The following PHTF2 variants were observed in gnomAD, a reference collection of about 807,000 sequenced individuals.
PHTF2 encodes the protein putative homeodomain transcription factor 2.
In PHTF2, 60 loss-of-function variants were observed where a neutral mutation model predicts 101.2. That is an observed-to-expected ratio of 0.59 (90% CI 0.48 to 0.73). PHTF2 has a LOEUF of 0.73. Among genes scored for constraint, PHTF2 ranks in the 30% least tolerant of loss-of-function variants. The probability of loss-of-function intolerance (pLI) is 0.00; values close to 1 mark genes in which losing one functional copy is unlikely to be tolerated. For synonymous variants in PHTF2, 311 were observed against 307.3 expected, an observed-to-expected ratio of 1.01 and a Z score of -0.13; for missense variants, 747 against 908.7, an observed-to-expected ratio of 0.82 and a Z score of 2.29.
chr7:77,896,872 G>A (rs1464716266), intron 5 of PHTF2, among the ~76,000 whole-genome samples: 1 of 152,134 alleles, frequency 6.6e-6, no homozygotes, highest in South Asian at 2.1e-4. Flanking sequence ...GCAGTGAGCA[G>A]CTACTAGAGA....
At chr7:77,862,085 A>C (rs2150676656) in intron 3 of PHTF2, among the ~76,000 whole-genome samples, 1 of 151,892 alleles carries the variant, frequency 6.6e-6, no homozygotes, top group East Asian at 1.9e-4. Flanking sequence ...GGAAAAATAG[A>C]AAAAAATACC....
intron 2 of PHTF2, among the ~76,000 whole-genome samples, chr7:77,844,348 T>A (rs1212829909): frequency 6.6e-6 from 1 of 152,148 alleles, no homozygotes; most frequent in Non-Finnish European, 1.5e-5. Context: ...GTTTTTATAT[T>A]TATGATTTGA....
chr7:77,844,710 T>C (rs1412630084), intron 2 of PHTF2, among the ~76,000 whole-genome samples: 1 of 152,096 alleles, frequency 6.6e-6, no homozygotes, highest in Non-Finnish European at 1.5e-5. Flanking sequence ...TTTTTAGTAG[T>C]GATGAGGTTT....
chr7:77,942,940 A>G (rs545522737), intron 16 of PHTF2, among the ~76,000 whole-genome samples, 154 bp downstream of exon 15: 46 of 152,354 alleles, frequency 3.0e-4, no homozygotes, highest in Non-Finnish European at 3.4e-4. Context: ...AAATAAGTGC[A>G]TCTTATCTCT....
chr7:77,924,696 T>G (rs1255656003), intron 11 of PHTF2, among the ~76,000 whole-genome samples: 1 of 152,216 alleles, frequency 6.6e-6, no homozygotes, highest in Non-Finnish European at 1.5e-5. Context: ...TGTTGTAAGC[T>G]TCCCAGATGG....
intron 2 of PHTF2, among the ~76,000 whole-genome samples, chr7:77,854,282 T>C (rs573966728): frequency 1.8e-4 from 28 of 152,274 alleles, no homozygotes; most frequent in Non-Finnish European, 2.9e-4. Flanking sequence ...CTTCCTTTCC[T>C]TTAGTTTTCA....
chr7:77,802,905 C>A (rs1455517559), intron 1 of PHTF2, among the ~76,000 whole-genome samples: 4 of 152,144 alleles, frequency 2.6e-5, no homozygotes, highest in African/African-American at 9.7e-5. Flanking sequence ...CAGATTAATA[C>A]CAAACCATAA....
intron 3 of PHTF2, among the ~76,000 whole-genome samples, chr7:77,861,420 T>C (rs1231535299): frequency 6.6e-6 from 1 of 152,214 alleles, no homozygotes; most frequent in Non-Finnish European, 1.5e-5. Flanking sequence ...GGGTATTTTT[T>C]TTTAAATGAT....
At position 77,920,470 on chromosome 7, in the gene PHTF2, G is replaced by A. The variant is rs748306144; in HGVS notation, c.963+5G>A. 36 of 1,607,854 alleles carry A rather than the reference G, an allele frequency of 2.2e-5. No homozygotes were observed. Among genetic ancestry groups the A allele is most frequent in the South Asian group, 1.8e-4 (16 of 90,464 alleles). ...CTGAGGAATGGTCCTAGCAAAGTAC[G>A]TGTGATTTTTAAAATAGTTTGCCTA... On this transcript the variant is annotated splice_donor_5th_base_variant and intron_variant, in intron 10 of 19. Transcript: ENST00000416283.
intron 1 of PHTF2, among the ~76,000 whole-genome samples, chr7:77,815,640 T>C (rs1213478130): frequency 6.6e-6 from 1 of 152,260 alleles, no homozygotes; most frequent in Non-Finnish European, 1.5e-5. Flanking sequence ...TAATGATACA[T>C]GTTTGACTTC....
chr7:77,906,801 G>C (rs761079650), intron 7 of PHTF2, among the ~76,000 whole-genome samples: 3 of 151,998 alleles, frequency 2.0e-5, no homozygotes, highest in Non-Finnish European at 4.4e-5. Flanking sequence ...CCAGCCACTC[G>C]GGAGCCTGAG....
chr7:77,857,875 A>G (rs984957136), intron 3 of PHTF2, among the ~76,000 whole-genome samples: 5 of 152,344 alleles, frequency 3.3e-5, no homozygotes, highest in Admixed American at 1.3e-4. Flanking sequence ...CTGTCAACCC[A>G]GAGTTATTGC....
chr7:77,936,195 C>A (rs1320048456), intron 12 of PHTF2, among the ~76,000 whole-genome samples: 1 of 151,998 alleles, frequency 6.6e-6, no homozygotes, highest in Non-Finnish European at 1.5e-5. Flanking sequence ...CAACTTTACT[C>A]CCCCTAGAGG....
At chr7:77,952,205 A>G (rs938998166) in intron 18 of PHTF2, among the ~76,000 whole-genome samples, 2 of 152,140 alleles carry the variant, frequency 1.3e-5, no homozygotes, top group Admixed American at 6.5e-5. Flanking sequence ...CTTTGGGGGT[A>G]ATTTAATAAA....
chr7:77,886,566 G>T (rs1356445713), intron 3 of PHTF2, among the ~76,000 whole-genome samples: 1 of 152,014 alleles, frequency 6.6e-6, no homozygotes, highest in East Asian at 1.9e-4. Context: ...TTAGAGTAAT[G>T]GTAGGAGGAG....
At chr7:77,865,406 AGTAGAG>A (rs1379758082) in intron 3 of PHTF2, among the ~76,000 whole-genome samples, 2 of 151,948 alleles carry the variant, frequency 1.3e-5, no homozygotes, top group East Asian at 3.9e-4. Context: ...TTGTATTTTT[AGTAGAG>A]ACGGGGTTTC....
rs966442042 is a variant in PHTF2, at chr7:77,933,383, A to G, written c.1338+4056A>G. Among the ~76,000 whole-genome samples, 5 of 152,326 alleles carry G rather than the reference A, an allele frequency of 3.3e-5. No homozygotes were observed. The East Asian group carries it at 9.6e-4, about 29-fold the overall frequency. Reference sequence around the variant, plus strand: ...AAATGAAATCAGGAAGGGACTGATAAATTTAAGGATAGGTGTGTTCAAGGG... The same window carrying G: ...AAATGAAATCAGGAAGGGACTGATAGATTTAAGGATAGGTGTGTTCAAGGG... On this transcript the variant is annotated intron_variant, in intron 12 of 19. Coordinates refer to ENST00000416283, the Ensembl canonical transcript of PHTF2.
intron 12 of PHTF2, among the ~76,000 whole-genome samples, chr7:77,932,621 A>AGAGTGTGTGTGT (rs759880633): frequency 7.6e-4 from 90 of 118,556 alleles, no homozygotes; most frequent in African/African-American, 1.3e-3. Context: ...AGAGAGAGAG[A>AGAGTGTGTGTGT]GTGTGTGTGT....
chr7:77,906,366 G>T (rs1391459168), intron 7 of PHTF2: 1 of 152,154 alleles, frequency 6.6e-6, no homozygotes, highest in Non-Finnish European at 1.5e-5. Context: ...AAAAGCTACT[G>T]TCTCAGGAAC....
Sources: gnomAD v4.1 joint callset for allele counts (sites outside exome capture counted in the v4.1 genomes callset) on GRCh38, gnomAD v4.1.1 for gene constraint, MANE v1.5 for transcripts, NCBI Gene and HGNC (gene_info 2026-07-23, HGNC 2026-07-21) for gene names.